FBXO46: variants seen among roughly 807,000 people sequenced by gnomAD.
The protein encoded by FBXO46 is F-box only protein 46.
In FBXO46, 13 loss-of-function variants were observed where a neutral mutation model predicts 30.7. That is an observed-to-expected ratio of 0.42 (90% CI 0.28 to 0.67). FBXO46 has a LOEUF of 0.67. Among genes scored for constraint, FBXO46 ranks in the 30% least tolerant of loss-of-function variants. The pLI is 0.21. For synonymous variants in FBXO46, 467 were observed against 385.8 expected (o/e 1.21, Z -2.47); for missense variants, 754 against 871.5 (o/e 0.87, Z 1.70).
intron 1 of FBXO46, among the ~76,000 whole-genome samples, chr19:45,721,702 G>A (rs569416177): frequency 2.6e-5 from 4 of 151,744 alleles, no homozygotes; most frequent in South Asian, 2.1e-4. Context: ...ACAGGCGCCC[G>A]CCACCACACC....
chr19:45,716,869 T>A (rs1968097585), intron 1 of FBXO46: 1 of 152,044 alleles, frequency 6.6e-6, no homozygotes, highest in Admixed American at 6.6e-5. Context: ...GAGACACAGG[T>A]GAAATCTCCT....
intron 1 of FBXO46, among the ~76,000 whole-genome samples, chr19:45,726,641 G>A (rs957895755): frequency 1.1e-4 from 17 of 150,446 alleles, no homozygotes; most frequent in African/African-American, 4.2e-4. Context: ...AAACGAGACT[G>A]TCTAAAAAAA....
Position 45,713,165 on chromosome 19 carries a change from C to G in FBXO46, c.331G>C (p.Gly111Arg). The change falls in exon 2 of 2, where the codon GGG (glycine) becomes CGG (arginine). Residue 111 changes from glycine (G) to arginine (R), a missense_variant. Physicochemically the swap from Gly to Arg is moderately radical, Grantham distance 125 (BLOSUM62 -2). Around this residue, in one of 5 missense-constraint regions of FBXO46, gnomAD observed 39 missense variants for 56.5 expected, o/e 0.69. Transcript: ENST00000317683. The surrounding 1 kb of genome is among the most constrained non-coding windows in gnomAD (Gnocchi z 4.7). ...TTCATGGAGCTGGCCCGGCTGCCCCCACCACACTGGTGGGCCACAAAGAAG... is the reference window on the plus strand; with the variant it reads ...TTCATGGAGCTGGCCCGGCTGCCCCGACCACACTGGTGGGCCACAAAGAAG... ...VAFFVAHQCG[G>R]GSRASSMKVK... The G allele has an allele frequency of 6.2e-7, 1 of 1,613,754 alleles. No homozygotes were observed. The highest frequency in any genetic ancestry group is 8.5e-7 in the Non-Finnish European group (1 of 1,179,840).
intron 1 of FBXO46, among the ~76,000 whole-genome samples, chr19:45,718,602 G>C (rs1416161274): frequency 4.6e-5 from 7 of 151,940 alleles, no homozygotes; most frequent in Admixed American, 3.9e-4. Context: ...ACTTCATTCA[G>C]GTCTGTGTTC....
At chr19:45,720,013 T>G (rs1968148400) in intron 1 of FBXO46, among the ~76,000 whole-genome samples, 1 of 152,194 alleles carries the variant, frequency 6.6e-6, no homozygotes. Context: ...GTGTTTTGTT[T>G]TTTGTTGTTT....
At chr19:45,717,261 T>G (rs1235977612) in intron 1 of FBXO46, 1 of 134,530 alleles carries the variant, frequency 7.4e-6, no homozygotes, top group Non-Finnish European at 1.6e-5. Flanking sequence ...CAAAGAGCCC[T>G]CACCCGCAGC....
chr19:45,717,412 C>G (rs911469815), intron 1 of FBXO46: 6 of 152,268 alleles, frequency 3.9e-5, no homozygotes, highest in Admixed American at 2.0e-4. Flanking sequence ...TTGACAGACG[C>G]GCGCGTGACG....
rs1199669004 is a variant in FBXO46 at position 45,717,809 on chromosome 19, G to C, written c.-78-4236C>G. On this transcript the variant is annotated intron_variant, in intron 1 of 1. Coordinates refer to ENST00000317683, the MANE Select transcript of FBXO46 (RefSeq NM_001080469.2). ...CGGGGGGCGGGCTGAGGATTTCCGC[G>C]GGGGGAATTGGGCATCGGGATAACC... 2.0e-5 allele frequency among the ~76,000 whole-genome samples: 3 copies of C among 151,774 alleles called. No individual in the cohort carries two copies. In the South Asian group the frequency reaches 6.2e-4, roughly 32 times the overall value.
chr19:45,711,644 G>A lies in FBXO46; in HGVS notation c.*40C>T, dbSNP rs527554862. ...CCTCGGCTCCCGGGGGGAGAGGGGA[G>A]GGGTGGGCGTGGTGGGCTCTCCCCT... is the stretch of plus-strand genomic sequence containing the variant. On this transcript the variant is annotated 3_prime_UTR_variant, in exon 2 of 2. Coordinates refer to ENST00000317683, the MANE Select transcript of FBXO46 (RefSeq NM_001080469.2). The A allele has an allele frequency of 2.8e-6, 4 of 1,449,228 alleles. No individual in the cohort carries two copies. The highest frequency in any genetic ancestry group is 1.4e-5 in the African/African-American group (1 of 71,376). The allele number at this position is 1,449,228 out of a possible 1,614,324, so 89.8% of individuals were successfully genotyped here. A position where few individuals can be genotyped will look rare whatever the true frequency, so the allele number is the denominator to read the frequency against.
intron 1 of FBXO46, among the ~76,000 whole-genome samples, chr19:45,721,120 G>A (rs147688788): frequency 3.3e-5 from 5 of 152,130 alleles, no homozygotes; most frequent in South Asian, 2.1e-4. Context: ...TTGGGAAGCC[G>A]AGGCAGACAG....
At chr19:45,722,110 G>T (rs140230119) in intron 1 of FBXO46, among the ~76,000 whole-genome samples, 2 of 152,064 alleles carry the variant, frequency 1.3e-5, no homozygotes, top group African/African-American at 4.8e-5. Flanking sequence ...GATGCACCGC[G>T]CCCGGTCCCT....
chr19:45,711,512 T>C lies in FBXO46; in HGVS notation c.*172A>G, dbSNP rs1967963389. Reference sequence around the variant, plus strand: ...TCTGAAGAGTAGAAAATCAACAGGATCAAGCAGAGGGCTTTCCTGGGTCAC... The same window carrying C: ...TCTGAAGAGTAGAAAATCAACAGGACCAAGCAGAGGGCTTTCCTGGGTCAC... On this transcript the variant is annotated 3_prime_UTR_variant, in exon 2 of 2. Transcript: ENST00000317683. 1 of 703,890 alleles carries C rather than the reference T, an allele frequency of 1.4e-6. No homozygotes were observed. The highest frequency in any genetic ancestry group is 1.8e-5 in the African/African-American group (1 of 56,836). The allele number at this position is 703,890 out of a possible 1,614,324, so 43.6% of individuals were successfully genotyped here. A position where few individuals can be genotyped will look rare whatever the true frequency, so the allele number is the denominator to read the frequency against.
chr19:45,726,044 T>C lies in FBXO46; in HGVS notation c.-79+4805A>G, dbSNP rs182327913. 1.4e-4 allele frequency among the ~76,000 whole-genome samples: 21 copies of C among 152,176 alleles called. No homozygotes were observed. In the East Asian group the frequency reaches 2.5e-3, roughly 18 times the overall value. On this transcript the variant is annotated intron_variant, in intron 1 of 1. Coordinates refer to ENST00000317683, the MANE Select transcript of FBXO46 (RefSeq NM_001080469.2). ...ATGCCACCAAGCCTGACTAATTTTT[T>C]AAAAAATTTATTTGAGGCTGGGTGC...
intron 1 of FBXO46, among the ~76,000 whole-genome samples, chr19:45,718,313 G>A (rs1968128505): frequency 6.6e-6 from 1 of 152,188 alleles, no homozygotes; most frequent in African/African-American, 2.4e-5. Flanking sequence ...TGGAGTGTGA[G>A]CTGGAGCAGG....
At chr19:45,718,570 C>G (rs555901110) in intron 1 of FBXO46, among the ~76,000 whole-genome samples, 1 of 152,104 alleles carries the variant, frequency 6.6e-6, no homozygotes, top group Admixed American at 6.6e-5. Context: ...ATACATTCCC[C>G]CTCTGCAAGG....
At chr19:45,722,631 G>A (rs1351552406) in intron 1 of FBXO46, among the ~76,000 whole-genome samples, 3 of 152,094 alleles carry the variant, frequency 2.0e-5, no homozygotes, top group African/African-American at 7.2e-5. Flanking sequence ...GTGTGGTGGC[G>A]GGCGCCTGTA....
chr19:45,719,526 T>C (rs879421631), intron 1 of FBXO46, among the ~76,000 whole-genome samples: 1 of 152,188 alleles, frequency 6.6e-6, no homozygotes, highest in Non-Finnish European at 1.5e-5. Flanking sequence ...ACAATTGATA[T>C]GGGAAAACAA....
chr19:45,711,737 G>A lies in FBXO46; in HGVS notation c.1759C>T (p.Leu587=). Residue 587 remains leucine (L), a synonymous_variant, in exon 2 of 2, where the codon CTG becomes TTG. Transcript: ENST00000317683. The stretch of plus-strand genomic sequence containing the variant: ...CCCCCGCCTGGCCCATTGCAGGGCA[G>A]CACCCAGTTGTTATCGTGGAGGCCC... ...RLGLHDNNWV[L]PCNGPGGGRA... 6.7e-7 allele frequency: 1 copy of A among 1,482,142 alleles called. No homozygotes were observed. Among genetic ancestry groups the A allele is most frequent in the Non-Finnish European group, 9.0e-7 (1 of 1,111,758 alleles). 91.8% of individuals were successfully genotyped at this position (1,482,142 alleles called of 1,614,324 possible).
intron 1 of FBXO46, among the ~76,000 whole-genome samples, chr19:45,722,088 G>T (rs751910061): frequency 2.0e-5 from 3 of 152,124 alleles, no homozygotes; most frequent in Non-Finnish European, 4.4e-5. Flanking sequence ...GTAGTGCTGG[G>T]ATTACAGGCA....
Sources: allele counts gnomAD v4.1 joint callset (sites outside exome capture counted in the v4.1 genomes callset), GRCh38; gene constraint gnomAD v4.1.1; regional missense constraint gnomAD v4.1.1; non-coding constraint Gnocchi (gnomAD v3.1); transcripts MANE v1.5; gene names NCBI Gene and HGNC (gene_info 2026-07-23, HGNC 2026-07-21).